TSPEAR: variants seen among roughly 807,000 people sequenced by gnomAD.
TSPEAR encodes the protein thrombospondin-type laminin G domain and EAR repeat-containing protein.
A neutral mutation model predicts 71.6 loss-of-function variants in TSPEAR; 69 were observed. The ratio of observed to expected loss-of-function variants is 0.96; its 90% confidence interval spans 0.79 to 1.18. The LOEUF (loss-of-function observed/expected upper bound fraction) is 1.18. Among genes scored for constraint, TSPEAR ranks in the 50% most tolerant of loss-of-function variants. The probability of loss-of-function intolerance (pLI) is 0.00; values close to 1 mark genes in which losing one functional copy is unlikely to be tolerated. For missense variants in TSPEAR, 971 were observed against 894.9 expected (o/e 1.09, Z -1.09); for synonymous variants, 402 against 387.2 (o/e 1.04, Z -0.45).
At chr21:44,583,331 CT>C (rs1291495945) in intron 1 of TSPEAR, among the ~76,000 whole-genome samples, 3 of 152,220 alleles carry the variant, frequency 2.0e-5, no homozygotes, top group South Asian at 4.1e-4. Flanking sequence ...AAAATGTAGT[CT>C]TTTGTTTTAT....
At chr21:44,639,690 C>T (rs1555938124) in intron 1 of TSPEAR, among the ~76,000 whole-genome samples, 1 of 152,196 alleles carries the variant, frequency 6.6e-6, no homozygotes, top group East Asian at 1.9e-4. Context: ...GGAGGGGCTC[C>T]CCACACATGC....
chr21:44,698,168 C>A, intron 1 of TSPEAR: 1 of 615,722 alleles, frequency 1.6e-6, no homozygotes, highest in South Asian at 2.1e-5. Flanking sequence ...GACCACTTCC[C>A]ACATTCCAGG....
chr21:44,709,587 C>T (rs1001738826), intron 1 of TSPEAR, among the ~76,000 whole-genome samples: 1 of 152,274 alleles, frequency 6.6e-6, no homozygotes, highest in African/African-American at 2.4e-5. Flanking sequence ...GCCTCGCGAC[C>T]GCCTGTGACC....
At chr21:44,646,793 C>T (rs1569238675) in intron 1 of TSPEAR, 2 of 1,613,486 alleles carry the variant, frequency 1.2e-6, no homozygotes, top group Non-Finnish European at 1.7e-6. Context: ...TGCTGCAAGC[C>T]TGTGTGCTGT....
At chr21:44,671,569 G>C (rs2146282522) in intron 1 of TSPEAR, among the ~76,000 whole-genome samples, 1 of 152,314 alleles carries the variant, frequency 6.6e-6, no homozygotes, top group Non-Finnish European at 1.5e-5. Context: ...AAGCTGCTGA[G>C]GAAATCACAA....
intron 2 of TSPEAR, chr21:44,558,564 C>T (rs200886678): frequency 2.7e-5 from 44 of 1,613,076 alleles, no homozygotes; most frequent in Non-Finnish European, 3.7e-5. Flanking sequence ...GGACACACAG[C>T]TCACTGGGGT....
At chr21:44,614,351 C>A (rs1601488056) in intron 1 of TSPEAR, among the ~76,000 whole-genome samples, 4 of 152,268 alleles carry the variant, frequency 2.6e-5, no homozygotes, top group Admixed American at 2.0e-4. Flanking sequence ...AGAGACACGA[C>A]CAGTAGTCAC....
At chr21:44,676,028 A>G (rs1986296928) in intron 1 of TSPEAR, 1 of 861,988 alleles carries the variant, frequency 1.2e-6, no homozygotes, top group African/African-American at 1.6e-5. Flanking sequence ...AAATTTTGCT[A>G]CTAGCTCCAG....
chr21:44,525,602 C>T (rs587762339), intron 8 of TSPEAR, 51 bp downstream of exon 8: 1 of 1,583,054 alleles, frequency 6.3e-7, no homozygotes, highest in African/African-American at 1.4e-5. Flanking sequence ...GCAAGTCTCG[C>T]TCTGCCCCTG....
chr21:44,621,703 C>T (rs942102090), intron 1 of TSPEAR, among the ~76,000 whole-genome samples: 14 of 152,206 alleles, frequency 9.2e-5, no homozygotes, highest in African/African-American at 3.4e-4. Context: ...ATTTCTCTCC[C>T]AGTTGTTTGA....
intron 1 of TSPEAR, among the ~76,000 whole-genome samples, chr21:44,598,817 A>C (rs1184606448): frequency 6.6e-6 from 1 of 152,148 alleles, no homozygotes; most frequent in Non-Finnish European, 1.5e-5. Flanking sequence ...ATCCTGCCTA[A>C]AAAAATCCCC....
intron 9 of TSPEAR, chr21:44,515,760 C>T (rs1262585364): frequency 6.6e-6 from 1 of 152,224 alleles, no homozygotes; most frequent in Non-Finnish European, 1.5e-5. Flanking sequence ...TTTTCGGTAA[C>T]CACGTTCCAC....
At chr21:44,507,316 A>T (rs1160527813) in intron 10 of TSPEAR, among the ~76,000 whole-genome samples, 2 of 152,196 alleles carry the variant, frequency 1.3e-5, no homozygotes, top group African/African-American at 4.8e-5. Flanking sequence ...TCTAAAAAGC[A>T]AACACAAGCG....
Position 44,602,129 on chromosome 21 carries a change from C to T in TSPEAR, c.83-34124G>A, listed in dbSNP as rs201044268. On this transcript the variant is annotated intron_variant, in intron 1 of 11. Transcript: ENST00000323084. ...CCTCTTTCTCTGTCTTCCCTGACCA[C>T]GGGAGCAGGTCAGACCCTTCTAATA... The T allele has an allele frequency of 1.3e-4, 42 of 329,344 alleles. No homozygotes were observed. In the East Asian group the frequency reaches 1.4e-3, roughly 11 times the overall value. The allele number at this position is 329,344 out of a possible 1,614,324, so 20.4% of individuals were successfully genotyped here. A position where few individuals can be genotyped will look rare whatever the true frequency, so the allele number is the denominator to read the frequency against.
At chr21:44,586,141 GTTC>G (rs1334380375) in intron 1 of TSPEAR, among the ~76,000 whole-genome samples, 2 of 152,252 alleles carry the variant, frequency 1.3e-5, no homozygotes, top group African/African-American at 4.8e-5. Flanking sequence ...GCACCAGGCG[GTTC>G]TTCTTTAGAA....
At chr21:44,648,295 G>T (rs1467518010) in intron 1 of TSPEAR, among the ~76,000 whole-genome samples, 6 of 152,284 alleles carry the variant, frequency 3.9e-5, no homozygotes, top group South Asian at 2.1e-4. Context: ...AGTGAAGAGG[G>T]CACTAGTGAG....
Position 44,612,223 on chromosome 21 carries a change from G to T in TSPEAR, c.83-44218C>A. 6.2e-7 allele frequency: 1 copy of T among 1,613,826 alleles called. No individual in the cohort carries two copies. On this transcript the variant is annotated intron_variant, in intron 1 of 11. Transcript: ENST00000323084. The surrounding 1 kb of genome is among the most constrained non-coding windows in gnomAD (Gnocchi z 4.1). The stretch of plus-strand genomic sequence containing the variant: ...CCAGCACCTGCACTGGCTCCTCCTG[G>T]CAGGTGGACAATTGCCAGGAAAGCT...
intron 1 of TSPEAR, among the ~76,000 whole-genome samples, chr21:44,643,921 T>C (rs1305805158): frequency 6.6e-6 from 1 of 152,242 alleles, no homozygotes; most frequent in African/African-American, 2.4e-5. Context: ...GTCTCCAGCA[T>C]TGTGCTGGGC....
rs782708831 is a variant in TSPEAR at position 44,525,689 on chromosome 21, C to T, written c.1300G>A (p.Gly434Arg). ...TTGGCCACCGCCAGGAAGTGCTCCC[C>T]ATCCACCTCGAAGGCCTCCCAGTCT... ...ARDWEAFEVD[G>R]EHFLAVANHR... is the part of the protein sequence containing the mutation. The change falls in exon 8 of 12, where the codon GGG (glycine) becomes AGG (arginine). Residue 434 changes from glycine to arginine, a missense_variant. Gly to Arg is a moderately radical substitution (Grantham distance 125). Coordinates refer to ENST00000323084, the MANE Select transcript of TSPEAR (RefSeq NM_144991.3). 10 of 1,614,212 alleles carry T rather than the reference C, an allele frequency of 6.2e-6. No homozygotes were observed. The highest frequency in any genetic ancestry group is 1.7e-5 in the Admixed American group (1 of 60,028).
Sources: allele counts gnomAD v4.1 joint callset (sites outside exome capture counted in the v4.1 genomes callset), GRCh38; gene constraint gnomAD v4.1.1; non-coding constraint Gnocchi (gnomAD v3.1); transcripts MANE v1.5; gene names NCBI Gene and HGNC (gene_info 2026-07-23, HGNC 2026-07-21).